The following PAQR5 variants were observed in gnomAD, a reference collection of about 807,000 sequenced individuals.
PAQR5 encodes progestin and adipoQ receptor family member 5, also known as membrane progestin receptor gamma.
In PAQR5, 20 loss-of-function variants were observed where a neutral mutation model predicts 34.5. That is an observed-to-expected ratio of 0.58 (90% CI 0.41 to 0.84). The LOEUF (loss-of-function observed/expected upper bound fraction) is 0.84. Ranked by LOEUF, PAQR5 falls within the 40% of genes least tolerant of loss-of-function variation. The pLI, the probability that PAQR5 is intolerant of heterozygous loss-of-function variation, is 0.00. For missense variants in PAQR5, 378 were observed against 412.7 expected (o/e 0.92, Z 0.73); for synonymous variants, 131 against 155.6 (o/e 0.84, Z 1.18).
Position 69,374,042 on chromosome 15 carries a change from A to G in PAQR5, c.52-5841A>G, listed in dbSNP as rs117996594. ...TTATCCGTCTTACATGTTCAGCCAG[A>G]AGAGACTTCTTCTGTAAATATTATA... On this transcript the variant is annotated intron_variant, in intron 3 of 8. Coordinates refer to ENST00000395407, the MANE Select transcript of PAQR5 (RefSeq NM_017705.4). Among the ~76,000 whole-genome samples, 265 of 150,268 alleles carry G rather than the reference A, an allele frequency of 1.8e-3. 1 individual carries two copies. The highest frequency in any genetic ancestry group is 6.3e-3 in the African/African-American group (254 of 40,094).
chr15:69,384,792 A>G lies in PAQR5; in HGVS notation c.295A>G (p.Ser99Gly). The change falls in exon 5 of 9, where the codon AGC becomes GGC. Residue 99 changes from serine (S) to glycine (G), a missense_variant. By Grantham distance (56) the Ser-to-Gly change is moderately conservative. Coordinates refer to ENST00000395407, the MANE Select transcript of PAQR5 (RefSeq NM_017705.4). The part of the protein sequence containing the change: ...CTSCVYPLVS[S>G]CAHTFSSMSK... ...CAGCTGCGTGTACCCACTTGTGTCC[A>G]GCTGTGCGCACACCTTCAGCTCTAT... 6.2e-7 allele frequency: 1 copy of G among 1,614,078 alleles called. No individual in the cohort carries two copies. Among genetic ancestry groups the G allele is most frequent in the Non-Finnish European group, 8.5e-7 (1 of 1,179,952 alleles).
rs1020488898 is a variant in PAQR5, at chr15:69,311,346, G to A, written c.-277+12290G>A. 3.9e-5 allele frequency among the ~76,000 whole-genome samples: 6 copies of A among 152,142 alleles called. No homozygotes were observed. In the East Asian group the frequency reaches 9.6e-4, roughly 24 times the overall value. ...AGTTAGAGGGATGAGAGAGTTCACC[G>A]ATGTAGCAAGAGAATGATTGGACTG... On this transcript the variant is annotated intron_variant, in intron 1 of 8. Transcript: ENST00000395407.
At chr15:69,381,560 T>G (rs2055884556) in intron 4 of PAQR5, among the ~76,000 whole-genome samples, 1 of 152,148 alleles carries the variant, frequency 6.6e-6, no homozygotes, top group African/African-American at 2.4e-5. Flanking sequence ...AGGGTGATTT[T>G]TTGCTATGTT....
chr15:69,365,494 A>G (rs1271320669), intron 3 of PAQR5, among the ~76,000 whole-genome samples: 1 of 152,236 alleles, frequency 6.6e-6, no homozygotes, highest in Non-Finnish European at 1.5e-5. Context: ...GTGTGGTGAT[A>G]CACTGATTAA....
chr15:69,339,183 C>T (rs1415264054), intron 2 of PAQR5, among the ~76,000 whole-genome samples: 1 of 145,314 alleles, frequency 6.9e-6, no homozygotes, highest in Non-Finnish European at 1.5e-5. Flanking sequence ...CCCCACCCCG[C>T]CACCAAGTTA....
intron 7 of PAQR5, among the ~76,000 whole-genome samples, chr15:69,398,743 A>G (rs2056532612): frequency 6.6e-6 from 1 of 152,176 alleles, no homozygotes; most frequent in Non-Finnish European, 1.5e-5. Flanking sequence ...GAGCAGACAG[A>G]GCAATTCTGT....
intron 1 of PAQR5, among the ~76,000 whole-genome samples, chr15:69,331,166 G>A (rs1285704729): frequency 6.6e-6 from 1 of 151,994 alleles, no homozygotes; most frequent in African/African-American, 2.4e-5. Flanking sequence ...GGGGTGTCTG[G>A]ATTGGTGAGT....
intron 2 of PAQR5, among the ~76,000 whole-genome samples, chr15:69,351,666 G>A (rs1210961449): frequency 1.3e-5 from 2 of 152,162 alleles, no homozygotes; most frequent in Non-Finnish European, 2.9e-5. Context: ...CCATTACATT[G>A]ATGGTGTTAT....
intron 3 of PAQR5, among the ~76,000 whole-genome samples, chr15:69,371,459 G>A (rs1449520112): frequency 6.6e-6 from 1 of 151,988 alleles, no homozygotes; most frequent in East Asian, 1.9e-4. Context: ...CTCCCTCAAA[G>A]TAATATCTAG....
intron 7 of PAQR5, among the ~76,000 whole-genome samples, chr15:69,399,411 T>C (rs529376468): frequency 6.6e-6 from 1 of 152,326 alleles, no homozygotes; most frequent in South Asian, 2.1e-4. Flanking sequence ...AAGAATACAA[T>C]ATATAATACC....
At chr15:69,337,719 T>G (rs571849583) in intron 2 of PAQR5, among the ~76,000 whole-genome samples, 1 of 139,684 alleles carries the variant, frequency 7.2e-6, no homozygotes, top group Non-Finnish European at 1.5e-5. Context: ...CTTGCTGCAC[T>G]TTATGCAAAT....
intron 2 of PAQR5, among the ~76,000 whole-genome samples, chr15:69,358,857 C>T (rs1400285016): frequency 1.1e-4 from 16 of 152,000 alleles, no homozygotes; most frequent in Non-Finnish European, 2.1e-4. Context: ...CTCAACTGAT[C>T]GTCCCATCTC....
At chr15:69,350,148 G>A (rs188728042) in intron 2 of PAQR5, among the ~76,000 whole-genome samples, 7 of 152,370 alleles carry the variant, frequency 4.6e-5, no homozygotes, top group African/African-American at 1.7e-4. Context: ...CAGGGGCCGC[G>A]TGGCGGCACT....
chr15:69,383,357 G>GCGGGCCCTCCGTGCTCA (rs1567033357), intron 4 of PAQR5, among the ~76,000 whole-genome samples: 1 of 143,218 alleles, frequency 7.0e-6, no homozygotes, highest in Non-Finnish European at 1.5e-5. Flanking sequence ...TGGAGGGTGA[G>GCGGGCCCTCCGTGCTCA]TGGGCCTTTG....
chr15:69,369,954 T>G (rs1339107123), intron 3 of PAQR5, among the ~76,000 whole-genome samples: 1 of 152,174 alleles, frequency 6.6e-6, no homozygotes, highest in African/African-American at 2.4e-5. Context: ...CCTCACAGGG[T>G]TCCTGGTTTC....
intron 2 of PAQR5, among the ~76,000 whole-genome samples, chr15:69,339,418 C>A (rs1595871553): frequency 6.6e-6 from 1 of 152,064 alleles, no homozygotes; most frequent in Non-Finnish European, 1.5e-5. Flanking sequence ...TACCTGGCGG[C>A]CTTAGTCCCC....
intron 5 of PAQR5, among the ~76,000 whole-genome samples, chr15:69,388,154 A>G (rs116952164): frequency 8.6e-5 from 13 of 151,878 alleles, no homozygotes; most frequent in Non-Finnish European, 8.8e-5. Flanking sequence ...CTCCCTGTCA[A>G]AGCCCTCAAT....
At chr15:69,368,832 C>T in intron 3 of PAQR5, among the ~76,000 whole-genome samples, 1 of 152,132 alleles carries the variant, frequency 6.6e-6, no homozygotes, top group East Asian at 1.9e-4. Context: ...ATGGTGCAGT[C>T]ATGGCTCACT....
At chr15:69,330,280 T>G (rs1308775710) in intron 1 of PAQR5, among the ~76,000 whole-genome samples, 1 of 152,228 alleles carries the variant, frequency 6.6e-6, no homozygotes, top group Non-Finnish European at 1.5e-5. Flanking sequence ...CCCCAAGCTG[T>G]CTTTGTTCAT....
Sources: allele counts gnomAD v4.1 joint callset (sites outside exome capture counted in the v4.1 genomes callset), GRCh38; gene constraint gnomAD v4.1.1; transcripts MANE v1.5; gene names NCBI Gene and HGNC (gene_info 2026-07-23, HGNC 2026-07-21).